KCNIP4: variants seen among roughly 807,000 people sequenced by gnomAD.
The protein encoded by KCNIP4 is Kv channel-interacting protein 4.
Under a neutral mutation model 34.0 loss-of-function variants are expected in KCNIP4, and 12 were observed. That is an observed-to-expected ratio of 0.35 (90% CI 0.23 to 0.57). The LOEUF is 0.57. KCNIP4 is among the 20% of genes least tolerant of loss of function. KCNIP4 has a pLI of 0.83. For missense variants in KCNIP4, 238 were observed against 311.7 expected, an observed-to-expected ratio of 0.76 and a Z score of 1.78; for synonymous variants, 124 against 102.2, an observed-to-expected ratio of 1.21 and a Z score of -1.29.
intron 1 of KCNIP4, among the ~76,000 whole-genome samples, chr4:21,329,895 T>A (rs1715455222): frequency 6.6e-6 from 1 of 152,178 alleles, no homozygotes; most frequent in African/African-American, 2.4e-5. Context: ...ATTTTACATT[T>A]TTTCAGGTCT....
chr4:21,111,148 G>A (rs1047512541), intron 1 of KCNIP4, among the ~76,000 whole-genome samples: 5 of 152,114 alleles, frequency 3.3e-5, no homozygotes, highest in African/African-American at 1.2e-4. Flanking sequence ...TTATTAATCA[G>A]TTCTGTTTTT....
chr4:20,906,000 G>A (rs1026118957), intron 1 of KCNIP4, among the ~76,000 whole-genome samples: 3 of 151,798 alleles, frequency 2.0e-5, no homozygotes, highest in Non-Finnish European at 4.4e-5. Context: ...CCACTAACGG[G>A]TCAATTTCCC....
chr4:21,411,316 T>C (rs1577320807), intron 1 of KCNIP4, among the ~76,000 whole-genome samples: 1 of 152,142 alleles, frequency 6.6e-6, no homozygotes, highest in Non-Finnish European at 1.5e-5. Flanking sequence ...AACTTTTAGA[T>C]AGTGAGGGCC....
intron 1 of KCNIP4, among the ~76,000 whole-genome samples, chr4:21,306,900 G>A (rs966670441): frequency 9.9e-5 from 15 of 151,524 alleles, no homozygotes; most frequent in South Asian, 4.2e-4. Context: ...TCGGCTCACC[G>A]CAACCTCCGT....
At chr4:21,460,921 T>C (rs1192971671) in intron 1 of KCNIP4, among the ~76,000 whole-genome samples, 1 of 152,054 alleles carries the variant, frequency 6.6e-6, no homozygotes, top group African/African-American at 2.4e-5. Context: ...CAGTGCAGGT[T>C]CACAAATTAT....
rs1449397715 is a variant in KCNIP4, at chr4:20,946,824, G to T, written c.62-64115C>A. On this transcript the variant is annotated intron_variant, in intron 1 of 8. Coordinates refer to ENST00000382152, the MANE Select transcript of KCNIP4 (RefSeq NM_025221.6). ...AAATGCAGGCCCCTAATGAAATGGG[G>T]TCCTAATCTGTGGGCCCCCATTGCC... Among the ~76,000 whole-genome samples the T allele has an allele frequency of 5.3e-5, 8 of 152,222 alleles. No homozygotes were observed. In the East Asian group the frequency reaches 1.4e-3, roughly 26 times the overall value.
chr4:21,074,764 T>C (rs1460408822), intron 1 of KCNIP4, among the ~76,000 whole-genome samples: 1 of 152,224 alleles, frequency 6.6e-6, no homozygotes, highest in East Asian at 1.9e-4. Flanking sequence ...TGCTTTCTCT[T>C]GTGGGCATTT....
intron 1 of KCNIP4, among the ~76,000 whole-genome samples, chr4:21,370,846 T>TACACACAC (rs1720337803): frequency 4.1e-5 from 1 of 24,502 alleles, no homozygotes; most frequent in African/African-American, 2.7e-4. Flanking sequence ...TATATATATA[T>TACACACAC]ATATACACAC....
chr4:20,990,182 G>T (rs7683701), intron 1 of KCNIP4, among the ~76,000 whole-genome samples: 65,219 of 151,882 alleles, frequency 0.43, 14,616 homozygotes, highest in African/African-American at 0.54. Context: ...TTATCTACCC[G>T]CAGGTGCCCT....
At chr4:20,810,802 C>A (rs559299481) in intron 3 of KCNIP4, among the ~76,000 whole-genome samples, 2 of 152,046 alleles carry the variant, frequency 1.3e-5, no homozygotes, top group South Asian at 4.2e-4. Flanking sequence ...TTTTTTTTAA[C>A]CTTTTGTAAC....
At chr4:21,914,991 A>C (rs1728545547) in intron 1 of KCNIP4, among the ~76,000 whole-genome samples, 1 of 152,154 alleles carries the variant, frequency 6.6e-6, no homozygotes, top group Non-Finnish European at 1.5e-5. Flanking sequence ...ACAGAAAGGT[A>C]CGCATTTGAA....
chr4:21,211,538 C>A (rs1757225387), intron 1 of KCNIP4, among the ~76,000 whole-genome samples: 1 of 152,096 alleles, frequency 6.6e-6, no homozygotes, highest in Admixed American at 6.6e-5. Flanking sequence ...GGAACAGTTT[C>A]ATTCCAAAAC....
At chr4:21,044,808 T>C (rs1236071954) in intron 1 of KCNIP4, among the ~76,000 whole-genome samples, 1 of 152,230 alleles carries the variant, frequency 6.6e-6, no homozygotes, top group African/African-American at 2.4e-5. Context: ...TGAATTTCCA[T>C]GTCCAGGGGA....
chr4:21,042,570 G>C (rs893745406), intron 1 of KCNIP4, among the ~76,000 whole-genome samples: 4 of 152,106 alleles, frequency 2.6e-5, no homozygotes, highest in Admixed American at 1.3e-4. Context: ...TTGGTCAATG[G>C]CTACGAAGCT....
At chr4:21,151,161 C>T (rs1365285724) in intron 1 of KCNIP4, among the ~76,000 whole-genome samples, 1 of 152,132 alleles carries the variant, frequency 6.6e-6, no homozygotes, top group East Asian at 1.9e-4. Flanking sequence ...TGTTCTTTCA[C>T]ACAAGAGTTA....
rs1714035138 is a variant in KCNIP4 at position 21,714,785 on chromosome 4, G to GATTATTTTATTTTATTTTATTTTATTTT, written c.61+233758_61+233785dup. Among the ~76,000 whole-genome samples the GATTATTTTATTTTATTTTATTTTATTTT allele has an allele frequency of 5.1e-4, 22 of 43,368 alleles. 7 individuals carry two copies. Among genetic ancestry groups the GATTATTTTATTTTATTTTATTTTATTTT allele is most frequent in the Admixed American group, 1.7e-3 (5 of 2,860 alleles). 28.5% of individuals were successfully genotyped at this position (43,368 alleles called of 152,430 possible). On this transcript the variant is annotated intron_variant, in intron 1 of 8. Transcript: ENST00000382152. ...AAGAATGTGTTAGTAATTTCCCTTT[G>GATTATTTTATTTTATTTTATTTTATTTT]ATTATTTTATTTTATTTTATTTTAT...
At chr4:21,682,219 C>T (rs1750418700) in intron 1 of KCNIP4, among the ~76,000 whole-genome samples, 1 of 152,076 alleles carries the variant, frequency 6.6e-6, no homozygotes, top group Admixed American at 6.6e-5. Flanking sequence ...AAATGACCAG[C>T]TATTGCAAAA....
chr4:21,941,238 G>T (rs1730185952), intron 1 of KCNIP4, among the ~76,000 whole-genome samples: 1 of 151,970 alleles, frequency 6.6e-6, no homozygotes, highest in Non-Finnish European at 1.5e-5. Flanking sequence ...AAAATAATAA[G>T]ATTTTCAGAC....
At chr4:21,878,918 C>T (rs1726298483) in intron 1 of KCNIP4, among the ~76,000 whole-genome samples, 1 of 152,122 alleles carries the variant, frequency 6.6e-6, no homozygotes, top group African/African-American at 2.4e-5. Flanking sequence ...TTCCAAGACC[C>T]TTGTGGGTCC....
Sources: allele counts gnomAD v4.1 joint callset (sites outside exome capture counted in the v4.1 genomes callset), GRCh38; gene constraint gnomAD v4.1.1; transcripts MANE v1.5; gene names NCBI Gene and HGNC (gene_info 2026-07-23, HGNC 2026-07-21).